The following XRCC5 variants were observed in gnomAD, a reference collection of about 807,000 sequenced individuals.
XRCC5 encodes the protein X-ray repair cross complementing 5.
A neutral mutation model predicts 95.7 loss-of-function variants in XRCC5; 12 were observed. The observed-to-expected ratio is 0.13, with a 90% CI of 0.08 to 0.20. The LOEUF (loss-of-function observed/expected upper bound fraction) is 0.20. Ranked by LOEUF, XRCC5 falls within the 10% of genes least tolerant of loss-of-function variation. XRCC5 has a pLI of 1.00. For missense variants in XRCC5, 595 were observed against 873.9 expected (o/e 0.68, Z 4.02); for synonymous variants, 281 against 290.3 (o/e 0.97, Z 0.33).
chr2:216,168,892 A>G (rs1689101405), intron 16 of XRCC5, among the ~76,000 whole-genome samples: 1 of 152,268 alleles, frequency 6.6e-6, no homozygotes, highest in South Asian at 2.1e-4. Flanking sequence ...AAGATCACAT[A>G]GGAATTCAAA....
At chr2:216,149,198 T>A (rs1232931853) in intron 14 of XRCC5, among the ~76,000 whole-genome samples, 1 of 152,212 alleles carries the variant, frequency 6.6e-6, no homozygotes, top group Non-Finnish European at 1.5e-5. Context: ...CACAGGTTTC[T>A]ATAAATCATT....
intron 2 of XRCC5, among the ~76,000 whole-genome samples, chr2:216,114,957 G>A (rs41297752): frequency 6.6e-6 from 1 of 152,068 alleles, no homozygotes; most frequent in Non-Finnish European, 1.5e-5. Context: ...GCTCAAGGGA[G>A]GAACAAAGGA....
chr2:216,123,923 T>C (rs922220162), intron 6 of XRCC5, among the ~76,000 whole-genome samples: 13 of 152,366 alleles, frequency 8.5e-5, no homozygotes, highest in Admixed American at 4.6e-4. Context: ...TGCATTGTTT[T>C]AGCATTTCGA....
chr2:216,194,056 C>G (rs1166566371), intron 18 of XRCC5, among the ~76,000 whole-genome samples: 1 of 152,226 alleles, frequency 6.6e-6, no homozygotes, highest in East Asian at 1.9e-4. Flanking sequence ...AGACAAAATG[C>G]ATGGCGTAGT....
intron 16 of XRCC5, among the ~76,000 whole-genome samples, chr2:216,172,650 T>A (rs915311279): frequency 3.3e-5 from 5 of 151,996 alleles, no homozygotes; most frequent in Non-Finnish European, 7.4e-5. Flanking sequence ...TGTATTTTTT[T>A]AATAGAGACA....
intron 16 of XRCC5, among the ~76,000 whole-genome samples, chr2:216,162,639 G>C (rs1168951320): frequency 6.6e-6 from 1 of 152,002 alleles, no homozygotes; most frequent in Non-Finnish European, 1.5e-5. Flanking sequence ...TGATCTGCCA[G>C]CCTCAGCCTC....
chr2:216,159,982 T>C, intron 14 of XRCC5, 86 bp from the exon 15 acceptor site: 1 of 648,388 alleles, frequency 1.5e-6, no homozygotes, highest in Non-Finnish European at 2.5e-6. Context: ...TTCTTTTTTT[T>C]TTTTGGTGCT....
At chr2:216,160,681 T>TAATA (rs909153517) in intron 15 of XRCC5, among the ~76,000 whole-genome samples, 1 of 151,762 alleles carries the variant, frequency 6.6e-6, no homozygotes, top group Admixed American at 6.6e-5. Flanking sequence ...ATTAATTAAT[T>TAATA]AATTAATTAA....
intron 19 of XRCC5, among the ~76,000 whole-genome samples, chr2:216,195,939 C>A (rs1236638964): frequency 6.6e-6 from 1 of 152,106 alleles, no homozygotes; most frequent in South Asian, 2.1e-4. Flanking sequence ...CCTCTAGAAG[C>A]TCGGGCAGTT....
chr2:216,188,018 A>G (rs1053563756), intron 16 of XRCC5, among the ~76,000 whole-genome samples: 14 of 151,472 alleles, frequency 9.2e-5, no homozygotes, highest in African/African-American at 3.4e-4. Flanking sequence ...TCTCACACAC[A>G]CTTTCTCTTC....
At chr2:216,156,633 A>G in intron 14 of XRCC5, 1 of 559,432 alleles carries the variant, frequency 1.8e-6, no homozygotes, top group Non-Finnish European at 3.6e-6. Flanking sequence ...TCATCTGCCT[A>G]CATATAGTGA....
chr2:216,194,709 G>A (rs906270939), intron 18 of XRCC5, among the ~76,000 whole-genome samples: 7 of 152,162 alleles, frequency 4.6e-5, no homozygotes, highest in African/African-American at 1.7e-4. Context: ...AGTGGCGCAT[G>A]CTTGTAATCC....
At chr2:216,162,176 T>G (rs1018108821) in intron 16 of XRCC5, 128 bp downstream of exon 16, 2 of 872,242 alleles carry the variant, frequency 2.3e-6, no homozygotes, top group African/African-American at 3.4e-5. Flanking sequence ...ATCTTTGTGG[T>G]TTTCCCTTGT....
chr2:216,188,424 A>G (rs1361141304), intron 16 of XRCC5, among the ~76,000 whole-genome samples: 4 of 152,262 alleles, frequency 2.6e-5, no homozygotes, highest in African/African-American at 9.6e-5. Context: ...CACAGAACAT[A>G]ACATAGTATC....
intron 17 of XRCC5, among the ~76,000 whole-genome samples, chr2:216,191,221 T>G (rs542151501): frequency 6.6e-6 from 1 of 152,246 alleles, no homozygotes; most frequent in South Asian, 2.1e-4. Context: ...AGTGTATTGC[T>G]TTTTTAAAGC....
chr2:216,184,874 T>C (rs72954633), intron 16 of XRCC5, among the ~76,000 whole-genome samples: 16,329 of 152,200 alleles, frequency 0.11, 929 homozygotes, highest in South Asian at 0.17. Flanking sequence ...TTAGATCCCC[T>C]CCTCACCCTC....
At position 216,127,688 on chromosome 2, in the gene XRCC5, A is replaced by T. The variant is rs148653325; in HGVS notation, c.937+14A>T. ...ATATTATTCAAGGTATGTCAGTAAGAGTTTTCACTGTTGCCTAAAAGACAT... is the reference window on the plus strand; with the variant it reads ...ATATTATTCAAGGTATGTCAGTAAGTGTTTTCACTGTTGCCTAAAAGACAT... On this transcript the variant is annotated intron_variant, in intron 8 of 20. Transcript: ENST00000392132. 6.3e-7 allele frequency: 1 copy of T among 1,583,014 alleles called. No individual in the cohort carries two copies. Among genetic ancestry groups the T allele is most frequent in the Non-Finnish European group, 8.6e-7 (1 of 1,169,490 alleles).
chr2:216,148,077 C>T lies in XRCC5; in HGVS notation c.1477-6C>T, dbSNP rs1021093625. 3.8e-6 allele frequency: 6 copies of T among 1,595,930 alleles called. No individual in the cohort carries two copies. Among genetic ancestry groups the T allele is most frequent in the Non-Finnish European group, 5.1e-6 (6 of 1,175,362 alleles). Reference sequence around the variant, plus strand: ...TGTGTTTTAAAATCCTTACTTTTTCCAACAGTGTCTGCTGCACAGAGCTTT... The same window carrying T: ...TGTGTTTTAAAATCCTTACTTTTTCTAACAGTGTCTGCTGCACAGAGCTTT... On this transcript the variant is annotated splice_region_variant and splice_polypyrimidine_tract_variant and intron_variant, in intron 13 of 20. Transcript: ENST00000392132.
intron 2 of XRCC5, among the ~76,000 whole-genome samples, chr2:216,115,250 A>C (rs1696672445): frequency 6.6e-6 from 1 of 152,122 alleles, no homozygotes; most frequent in African/African-American, 2.4e-5. Flanking sequence ...ATAACTGCCG[A>C]CTTACACCCC....
Sources: allele counts gnomAD v4.1 joint callset (sites outside exome capture counted in the v4.1 genomes callset), GRCh38; gene constraint gnomAD v4.1.1; transcripts MANE v1.5; gene names NCBI Gene and HGNC (gene_info 2026-07-23, HGNC 2026-07-21).